The following RAB3GAP1 variants were observed in gnomAD, a reference collection of about 807,000 sequenced individuals.
RAB3GAP1 encodes the protein RAB3 GTPase activating protein catalytic subunit 1.
A neutral mutation model predicts 130.7 loss-of-function variants in RAB3GAP1; 86 were observed. The observed-to-expected ratio is 0.66, with a 90% CI of 0.55 to 0.79. RAB3GAP1 has a LOEUF of 0.79. RAB3GAP1 is among the 30% of genes least tolerant of loss of function. RAB3GAP1 has a pLI of 0.00. For synonymous variants in RAB3GAP1, 367 were observed against 401.7 expected, an observed-to-expected ratio of 0.91 and a Z score of 1.03; for missense variants, 1,029 against 1,169.4, an observed-to-expected ratio of 0.88 and a Z score of 1.75.
intron 17 of RAB3GAP1, among the ~76,000 whole-genome samples, chr2:135,138,281 C>CAAAAA (rs755492320): frequency 9.3e-6 from 1 of 107,506 alleles, no homozygotes. Flanking sequence ...CTATTTCTAC[C>CAAAAA]AAAAAAAAAA....
At chr2:135,099,461 G>GTA (rs1690392599) in intron 5 of RAB3GAP1, among the ~76,000 whole-genome samples, 3 of 144,242 alleles carry the variant, frequency 2.1e-5, no homozygotes, top group East Asian at 4.0e-4. Flanking sequence ...GTGTGTGTGT[G>GTA]TGTGTATGTA....
Position 135,150,430 on chromosome 2 carries a change from G to A in RAB3GAP1, c.1985G>A (p.Gly662Asp). 1 of 1,614,154 alleles carries A rather than the reference G, an allele frequency of 6.2e-7. No individual in the cohort carries two copies. Among genetic ancestry groups the A allele is most frequent in the Non-Finnish European group, 8.5e-7 (1 of 1,180,040 alleles). ...EEQSEVLAKL[G>D]TSAEGAHLRA... is the part of the protein sequence containing the mutation. ...CAGTCTGAAGTTTTAGCTAAATTAGGTACATCGGCAGAGGGGGCTCACCTT... is the reference window on the plus strand; with the variant it reads ...CAGTCTGAAGTTTTAGCTAAATTAGATACATCGGCAGAGGGGGCTCACCTT... Residue 662 changes from glycine to aspartate, a missense_variant, in exon 18 of 24, where the codon GGT becomes GAT. By Grantham distance (94) the Gly-to-Asp change is moderately conservative. This residue lies in a region of RAB3GAP1 where 373 missense variants were observed against 493.6 expected (regional missense o/e 0.76). Coordinates refer to ENST00000264158, the MANE Select transcript of RAB3GAP1 (RefSeq NM_012233.3).
At chr2:135,114,172 TC>T (rs982838047) in intron 6 of RAB3GAP1, among the ~76,000 whole-genome samples, 2 of 152,232 alleles carry the variant, frequency 1.3e-5, no homozygotes, top group Non-Finnish European at 2.9e-5. Context: ...GGAAGCCATT[TC>T]TAAAGGTAAT....
intron 3 of RAB3GAP1, among the ~76,000 whole-genome samples, chr2:135,063,091 A>G (rs2104829350): frequency 6.6e-6 from 1 of 152,266 alleles, no homozygotes; most frequent in Admixed American, 6.5e-5. Context: ...TTAAATGTGA[A>G]GTGGGGGGAA....
intron 17 of RAB3GAP1, among the ~76,000 whole-genome samples, chr2:135,137,771 T>G (rs1691714296): frequency 6.6e-6 from 1 of 152,118 alleles, no homozygotes; most frequent in African/African-American, 2.4e-5. Context: ...AGAACAGCAA[T>G]AACTCAACAA....
downstream of RAB3GAP1, among the ~76,000 whole-genome samples, chr2:135,172,681 G>A (rs1024265678): frequency 1.3e-5 from 2 of 152,210 alleles, no homozygotes; most frequent in African/African-American, 4.8e-5. Context: ...AGTGAATGAT[G>A]CTGTCATTTA....
chr2:135,119,780 G>A (rs548507605), intron 7 of RAB3GAP1, among the ~76,000 whole-genome samples: 1 of 152,178 alleles, frequency 6.6e-6, no homozygotes, highest in African/African-American at 2.4e-5. Context: ...GCAGCATCTG[G>A]AAACTGGTTA....
chr2:135,096,888 A>G (rs1222489782), intron 5 of RAB3GAP1, among the ~76,000 whole-genome samples: 1 of 152,174 alleles, frequency 6.6e-6, no homozygotes, highest in Non-Finnish European at 1.5e-5. Flanking sequence ...GCCTTTTGGT[A>G]TGTATTTCCT....
chr2:135,168,910 C>G lies in RAB3GAP1; in HGVS notation c.*129C>G. On this transcript the variant is annotated 3_prime_UTR_variant, in exon 24 of 24. Coordinates refer to ENST00000264158, the MANE Select transcript of RAB3GAP1 (RefSeq NM_012233.3). ...CCAGTTGGGTGATCAGGAATCAAACCAGCATCGGAAAGACTTCCCAGCACC... is the reference window on the plus strand; with the variant it reads ...CCAGTTGGGTGATCAGGAATCAAACGAGCATCGGAAAGACTTCCCAGCACC... 1 of 843,300 alleles carries G rather than the reference C, an allele frequency of 1.2e-6. No individual in the cohort carries two copies. The highest frequency in any genetic ancestry group is 1.3e-5 in the South Asian group (1 of 74,144). 52.2% of individuals were successfully genotyped at this position (843,300 alleles called of 1,614,324 possible).
At chr2:135,146,213 T>C (rs1691988838) in intron 17 of RAB3GAP1, among the ~76,000 whole-genome samples, 1 of 146,538 alleles carries the variant, frequency 6.8e-6, no homozygotes, top group African/African-American at 2.6e-5. Context: ...TTTTTTTTTT[T>C]TTTTTTTTTG....
chr2:135,117,519 T>G lies in RAB3GAP1; in HGVS notation c.648+2138T>G, dbSNP rs921918288. Among the ~76,000 whole-genome samples the G allele has an allele frequency of 2.5e-4, 24 of 95,412 alleles. 1 individual carries two copies. The highest frequency in any genetic ancestry group is 9.3e-4 in the African/African-American group (20 of 21,546). 62.6% of individuals were successfully genotyped at this position (95,412 alleles called of 152,430 possible). A position where few individuals can be genotyped will look rare whatever the true frequency, so the allele number is the denominator to read the frequency against. On this transcript the variant is annotated intron_variant, in intron 7 of 23. Coordinates refer to ENST00000264158, the MANE Select transcript of RAB3GAP1 (RefSeq NM_012233.3). Reference sequence around the variant, plus strand: ...TGCTTCTTCTTCTTCTTCTGCTTCTTCTGCTTCTTCTGCTTCTTCTTCTGC... The same window carrying G: ...TGCTTCTTCTTCTTCTTCTGCTTCTGCTGCTTCTTCTGCTTCTTCTTCTGC...
At chr2:135,063,994 A>AT (rs1574077053) in intron 3 of RAB3GAP1, among the ~76,000 whole-genome samples, 1 of 151,954 alleles carries the variant, frequency 6.6e-6, no homozygotes, top group African/African-American at 2.4e-5. Context: ...CTTGATGCTT[A>AT]TTTTTTTCCA....
chr2:135,060,745 GC>G (rs1689145007), intron 3 of RAB3GAP1, among the ~76,000 whole-genome samples: 1 of 151,758 alleles, frequency 6.6e-6, no homozygotes, highest in Non-Finnish European at 1.5e-5. Context: ...TTGCTCTGTT[GC>G]CCAGGCTGGA....
chr2:135,087,374 T>C (rs1690017952), intron 3 of RAB3GAP1, among the ~76,000 whole-genome samples: 1 of 152,274 alleles, frequency 6.6e-6, no homozygotes, highest in Non-Finnish European at 1.5e-5. Flanking sequence ...CTAGGTTCTT[T>C]GGATTTTCAT....
chr2:135,089,146 G>A (rs1690067713), intron 3 of RAB3GAP1, among the ~76,000 whole-genome samples: 1 of 151,006 alleles, frequency 6.6e-6, no homozygotes, highest in South Asian at 2.1e-4. Context: ...GTTAAATAGG[G>A]AATCCTTTCC....
rs776733249 is a variant in RAB3GAP1, at chr2:135,124,212, A to G, written c.796A>G (p.Lys266Glu). ...AGAAGTTGGAGGCTTGGAGTTTGGC[A>G]AGTTACCATTTGGTGCCTGCGAAGA... ...GGEVGGLEFG[K>E]LPFGACEDPI... The change falls in exon 9 of 24, where the codon AAG becomes GAG. Residue 266 changes from lysine (K) to glutamate (E), a missense_variant. Physicochemically the swap from Lys to Glu is moderately conservative, Grantham distance 56. This residue lies in a region of RAB3GAP1 where 510 missense variants were observed against 532.1 expected (regional missense o/e 0.96). Coordinates refer to ENST00000264158, the MANE Select transcript of RAB3GAP1 (RefSeq NM_012233.3). 3 of 1,614,164 alleles carry G rather than the reference A, an allele frequency of 1.9e-6. No homozygotes were observed. The highest frequency in any genetic ancestry group is 2.5e-6 in the Non-Finnish European group (3 of 1,179,996).
intron 5 of RAB3GAP1, among the ~76,000 whole-genome samples, chr2:135,112,165 G>C (rs1690821186): frequency 6.6e-6 from 1 of 152,118 alleles, no homozygotes; most frequent in Non-Finnish European, 1.5e-5. Context: ...CAGGACGCAA[G>C]CTTGTCCCCC....
At chr2:135,127,261 A>T (rs1277457000) in intron 11 of RAB3GAP1, among the ~76,000 whole-genome samples, 1 of 116,878 alleles carries the variant, frequency 8.6e-6, no homozygotes. Context: ...TGCATCTTCT[A>T]TTTCTGTTAT....
At chr2:135,154,601 A>T (rs549012137) in intron 19 of RAB3GAP1, among the ~76,000 whole-genome samples, 4 of 152,162 alleles carry the variant, frequency 2.6e-5, no homozygotes, top group Non-Finnish European at 5.9e-5. Context: ...GAAAAGAAAA[A>T]GAGCCAAGAG....
Sources: gnomAD v4.1 joint callset for allele counts (sites outside exome capture counted in the v4.1 genomes callset) on GRCh38, gnomAD v4.1.1 for gene constraint, gnomAD v4.1.1 regional missense constraint, MANE v1.5 for transcripts, NCBI Gene and HGNC (gene_info 2026-07-23, HGNC 2026-07-21) for gene names.